AGAP1: variants seen among roughly 807,000 people sequenced by gnomAD.
The protein encoded by AGAP1 is arf-GAP with GTPase, ANK repeat and PH domain-containing protein 1.
Under a neutral mutation model 105.3 loss-of-function variants are expected in AGAP1, and 29 were observed. The ratio of observed to expected loss-of-function variants is 0.28; its 90% confidence interval spans 0.21 to 0.38. AGAP1 has a LOEUF of 0.38. AGAP1 is among the 10% of genes least tolerant of loss of function. The pLI, the probability that AGAP1 is intolerant of heterozygous loss-of-function variation, is 1.00. For synonymous variants in AGAP1, 509 were observed against 485.9 expected (o/e 1.05, Z -0.63); for missense variants, 998 against 1,165.1 (o/e 0.86, Z 2.09).
chr2:235,638,114 A>G (rs892208098), intron 1 of AGAP1, among the ~76,000 whole-genome samples: 6 of 152,224 alleles, frequency 3.9e-5, no homozygotes, highest in African/African-American at 1.4e-4. Flanking sequence ...TGCCCAGTCA[A>G]ACTGACACGT....
Position 236,051,953 on chromosome 2 carries a change from T to G in AGAP1, c.2114+2672T>G, listed in dbSNP as rs2057912772. 1.3e-5 allele frequency among the ~76,000 whole-genome samples: 2 copies of G among 151,974 alleles called. No homozygotes were observed. On this transcript the variant is annotated intron_variant, in intron 16 of 17. Transcript: ENST00000304032. The surrounding 1 kb of genome is among the most constrained non-coding windows in gnomAD (Gnocchi z 5.9). ...GTCCCCTCAATAGAAAATGGAAAAG[T>G]GAAAGTCGGGGCTGGAATCTCCGCA...
chr2:236,080,376 G>A lies in AGAP1; in HGVS notation c.2114+31095G>A, dbSNP rs190016281. On this transcript the variant is annotated intron_variant, in intron 16 of 17. Coordinates refer to ENST00000304032, the MANE Select transcript of AGAP1 (RefSeq NM_001037131.3). The surrounding 1 kb of genome is among the most constrained non-coding windows in gnomAD (Gnocchi z 4.2). ...AGAAACCTCCATCTCAGTCTAGGAG[G>A]GACAGCTAGGAGGAAATAAGGACGT... Among the ~76,000 whole-genome samples the A allele has an allele frequency of 1.7e-3, 262 of 152,292 alleles. No homozygotes were observed. The highest frequency in any genetic ancestry group is 3.0e-3 in the Non-Finnish European group (203 of 68,026).
Position 235,498,489 on chromosome 2 carries a change from T to G in AGAP1, c.163+3640T>G, listed in dbSNP as rs1217681677. On this transcript the variant is annotated intron_variant, in intron 1 of 17. Transcript: ENST00000304032. ...CCCAGAAATGAGCCTGAGAGCCATC[T>G]CGCCTCCAGTCTGAACAGCGTGTGT... Among the ~76,000 whole-genome samples the G allele has an allele frequency of 4.6e-5, 7 of 152,338 alleles. No homozygotes were observed. The South Asian group carries it at 1.2e-3, about 27-fold the overall frequency.
chr2:235,920,932 A>G (rs2052154477), intron 11 of AGAP1, among the ~76,000 whole-genome samples: 1 of 152,242 alleles, frequency 6.6e-6, no homozygotes, highest in African/African-American at 2.4e-5. Context: ...TACTGTTATC[A>G]TTATCACCAT....
rs894023086 is a variant in AGAP1, at chr2:236,105,670, G to C, written c.2115-14522G>C. On this transcript the variant is annotated intron_variant, in intron 16 of 17. Coordinates refer to ENST00000304032, the MANE Select transcript of AGAP1 (RefSeq NM_001037131.3). The surrounding 1 kb of genome is among the most constrained non-coding windows in gnomAD (Gnocchi z 4.2). Reference sequence around the variant, plus strand: ...TCCCGGGTTCACACCATTCTCCCGCGTTCACGCCATTCTCCCGCGTTCACG... The same window carrying C: ...TCCCGGGTTCACACCATTCTCCCGCCTTCACGCCATTCTCCCGCGTTCACG... Among the ~76,000 whole-genome samples the C allele has an allele frequency of 5.1e-5, 3 of 58,552 alleles. No homozygotes were observed. Among genetic ancestry groups the C allele is most frequent in the Admixed American group, 3.3e-4 (2 of 6,148 alleles). The allele number at this position is 58,552 out of a possible 152,430, so 38.4% of individuals were successfully genotyped here. A position where few individuals can be genotyped will look rare whatever the true frequency, so the allele number is the denominator to read the frequency against.
chr2:236,123,885 C>T lies in AGAP1; in HGVS notation c.2371-34C>T, dbSNP rs1225345548. 6.2e-7 allele frequency: 1 copy of T among 1,611,014 alleles called. No homozygotes were observed. Among genetic ancestry groups the T allele is most frequent in the East Asian group, 2.2e-5 (1 of 44,852 alleles). ...TGCCCCCTCCCTCCATCACATCCCC[C>T]ATGATACTAATGTGGGCTCCCTTAC... On this transcript the variant is annotated intron_variant, in intron 17 of 17. Coordinates refer to ENST00000304032, the MANE Select transcript of AGAP1 (RefSeq NM_001037131.3). This position sits in a 1 kb window ranked among gnomAD's most constrained non-coding sequence, Gnocchi z 4.6.
chr2:236,128,863 C>T lies in AGAP1; in HGVS notation c.*4741C>T, dbSNP rs538768038. The T allele has an allele frequency of 2.0e-5, 3 of 152,306 alleles. No homozygotes were observed. In the South Asian group the frequency reaches 6.2e-4, roughly 32 times the overall value. The allele number at this position is 152,306 out of a possible 1,614,324, so 9.4% of individuals were successfully genotyped here. The stretch of plus-strand genomic sequence containing the variant: ...TGTGCTCTGCTTCCGTCCCTCACCG[C>T]CTGCACAAGGTCGTTGAGACTTTTC... On this transcript the variant is annotated 3_prime_UTR_variant, in exon 18 of 18. Coordinates refer to ENST00000304032, the MANE Select transcript of AGAP1 (RefSeq NM_001037131.3). The surrounding 1 kb of genome is among the most constrained non-coding windows in gnomAD (Gnocchi z 5.9).
chr2:236,033,758 A>G (rs1423113892), intron 13 of AGAP1, among the ~76,000 whole-genome samples: 1 of 152,238 alleles, frequency 6.6e-6, no homozygotes, highest in East Asian at 1.9e-4. Context: ...ACAGTGTAAT[A>G]CAAGCTCAGC....
intron 1 of AGAP1, among the ~76,000 whole-genome samples, chr2:235,514,940 G>T (rs1384136792): frequency 1.3e-5 from 2 of 152,194 alleles, no homozygotes; most frequent in South Asian, 2.1e-4. Context: ...GCCTGCAGCC[G>T]TATTGGTCAG....
At chr2:235,748,582 A>T (rs1050487373) in intron 5 of AGAP1, among the ~76,000 whole-genome samples, 4 of 152,194 alleles carry the variant, frequency 2.6e-5, no homozygotes, top group African/African-American at 9.7e-5. Flanking sequence ...GAAACCCTTA[A>T]CTGCAGAGTT....
At chr2:235,798,122 G>A (rs1248989732) in intron 7 of AGAP1, among the ~76,000 whole-genome samples, 1 of 152,128 alleles carries the variant, frequency 6.6e-6, no homozygotes, top group Admixed American at 6.5e-5. Context: ...TGCTGGCCCG[G>A]GTGGTGATGG....
At chr2:235,511,838 A>C (rs1355984609) in intron 1 of AGAP1, among the ~76,000 whole-genome samples, 1 of 149,864 alleles carries the variant, frequency 6.7e-6, no homozygotes, top group African/African-American at 2.5e-5. Context: ...GTGTGTGTGA[A>C]TGTATGAGTG....
chr2:235,726,227 C>T lies in AGAP1; in HGVS notation c.310+8583C>T, dbSNP rs76990993. 4.4e-4 allele frequency among the ~76,000 whole-genome samples: 67 copies of T among 152,264 alleles called. No homozygotes were observed. In the East Asian group the frequency reaches 7.8e-3, roughly 18 times the overall value. On this transcript the variant is annotated intron_variant, in intron 3 of 17. Transcript: ENST00000304032. The stretch of plus-strand genomic sequence containing the variant: ...GGGAGCGCCCTAAAGAGGACAAGCC[C>T]GCTGGCTTCTGTGGGGAGTCACTGT...
At chr2:235,604,618 T>G (rs1375174555) in intron 1 of AGAP1, among the ~76,000 whole-genome samples, 1 of 130,846 alleles carries the variant, frequency 7.6e-6, no homozygotes, top group Non-Finnish European at 1.6e-5. Context: ...AGTCTCGCTC[T>G]GTTGCCCAGG....
chr2:235,838,518 A>T (rs143382733), intron 9 of AGAP1, among the ~76,000 whole-genome samples: 1 of 152,328 alleles, frequency 6.6e-6, no homozygotes, highest in Non-Finnish European at 1.5e-5. Flanking sequence ...AAATATTATG[A>T]TGTGATTAAC....
In AGAP1 at chr2:236,053,819, C is replaced by A. The variant is rs1426457203; in HGVS notation, c.2114+4538C>A. On this transcript the variant is annotated intron_variant, in intron 16 of 17. Transcript: ENST00000304032. The surrounding 1 kb of genome is among the most constrained non-coding windows in gnomAD (Gnocchi z 4.6). ...ATTCCGTGAAAGAGCTCTTGAGAGG[C>A]GCTTTAAGCGCAACTGAAATCACCC... 6.6e-6 allele frequency among the ~76,000 whole-genome samples: 1 copy of A among 152,262 alleles called. No homozygotes were observed. Among genetic ancestry groups the A allele is most frequent in the Non-Finnish European group, 1.5e-5 (1 of 68,048 alleles).
intron 9 of AGAP1, among the ~76,000 whole-genome samples, chr2:235,816,266 G>A (rs893361021): frequency 3.0e-4 from 46 of 151,454 alleles, no homozygotes; most frequent in African/African-American, 9.5e-4. Context: ...TAAAACCCCC[G>A]TCTCTACTAA....
In AGAP1 at chr2:235,692,096, C is replaced by T. The variant is rs906113980; in HGVS notation, c.164-17083C>T. On this transcript the variant is annotated intron_variant, in intron 1 of 17. Transcript: ENST00000304032. The surrounding 1 kb of genome is among the most constrained non-coding windows in gnomAD (Gnocchi z 5.8). ...ACAAAATAAATTCAGACCCCAAGTG[C>T]GCATATTGAGTTTGAATATTCATCT... Among the ~76,000 whole-genome samples, 3 of 152,084 alleles carry T rather than the reference C, an allele frequency of 2.0e-5. No homozygotes were observed. Among genetic ancestry groups the T allele is most frequent in the Non-Finnish European group, 2.9e-5 (2 of 68,028 alleles).
chr2:235,823,150 G>T (rs1203984930), intron 9 of AGAP1, among the ~76,000 whole-genome samples: 1 of 152,024 alleles, frequency 6.6e-6, no homozygotes, highest in Non-Finnish European at 1.5e-5. Flanking sequence ...ACTATGTATA[G>T]TATGTGTGTA....
Sources: allele counts gnomAD v4.1 joint callset (sites outside exome capture counted in the v4.1 genomes callset), GRCh38; gene constraint gnomAD v4.1.1; non-coding constraint Gnocchi (gnomAD v3.1); transcripts MANE v1.5; gene names NCBI Gene and HGNC (gene_info 2026-07-23, HGNC 2026-07-21).